The following SNX2 variants were observed in gnomAD, a reference collection of about 807,000 sequenced individuals.
SNX2 encodes sorting nexin-2.
In SNX2, 25 loss-of-function variants were observed where a neutral mutation model predicts 69.9. The observed-to-expected ratio is 0.36, with a 90% confidence interval of 0.26 to 0.50. SNX2 has a LOEUF of 0.50. Ranked by LOEUF, SNX2 falls within the 20% of genes least tolerant of loss-of-function variation. The pLI is 0.97. For synonymous variants in SNX2, 229 were observed against 200.4 expected (o/e 1.14, Z -1.20); for missense variants, 551 against 613.3 (o/e 0.90, Z 1.07).
In SNX2 at chr5:122,801,277, G is replaced by A. The variant is rs894518055; in HGVS notation, c.391-592G>A. 1.4e-4 allele frequency among the ~76,000 whole-genome samples: 22 copies of A among 152,224 alleles called. 1 individual carries two copies. Among genetic ancestry groups the A allele is most frequent in the African/African-American group, 5.1e-4 (21 of 41,542 alleles). On this transcript the variant is annotated intron_variant, in intron 3 of 14. Coordinates refer to ENST00000379516, the MANE Select transcript of SNX2 (RefSeq NM_003100.4). Reference sequence around the variant, plus strand: ...AAATTCCACAATATTTGTACAAAAAGACGAAAACATTTTTTCTACATCTGA... The same window carrying A: ...AAATTCCACAATATTTGTACAAAAAAACGAAAACATTTTTTCTACATCTGA...
intron 2 of SNX2, among the ~76,000 whole-genome samples, chr5:122,796,480 AT>A (rs1399940132): frequency 6.6e-6 from 1 of 152,224 alleles, no homozygotes; most frequent in Non-Finnish European, 1.5e-5. Context: ...TCTCTTTAAA[AT>A]TTTAAGCCAC....
chr5:122,833,891 T>G lies in SNX2; in HGVS notation c.*4243T>G, dbSNP rs539738056. The G allele has an allele frequency of 1.3e-5, 2 of 152,320 alleles. No individual in the cohort carries two copies. Among genetic ancestry groups the G allele is most frequent in the South Asian group, 4.1e-4 (2 of 4,832 alleles). The allele number at this position is 152,320 out of a possible 1,614,324, so 9.4% of individuals were successfully genotyped here. A position where few individuals can be genotyped will look rare whatever the true frequency, so the allele number is the denominator to read the frequency against. ...CTCTCAAGGGCAGGTATAATTTATGTGCAAGACTTTGTAGCATAATGTTTT... is the reference window on the plus strand; with the variant it reads ...CTCTCAAGGGCAGGTATAATTTATGGGCAAGACTTTGTAGCATAATGTTTT... On this transcript the variant is annotated 3_prime_UTR_variant, in exon 15 of 15. Transcript: ENST00000379516.
chr5:122,827,622 A>G lies in SNX2; in HGVS notation c.1485A>G (p.Glu495=), dbSNP rs753772753. 4 of 1,613,030 alleles carry G rather than the reference A, an allele frequency of 2.5e-6. No individual in the cohort carries two copies. The highest frequency in any genetic ancestry group is 3.4e-6 in the Non-Finnish European group (4 of 1,179,330). ...DFKTVIIKYL[E]SLVQTQQQLI... is the part of the protein sequence containing the mutation. Reference sequence around the variant, plus strand: ...AAACCGTTATCATCAAGTACTTAGAATCACTAGTTCAAACACAACAACAGG... The same window carrying G: ...AAACCGTTATCATCAAGTACTTAGAGTCACTAGTTCAAACACAACAACAGG... The change falls in exon 14 of 15, where the codon GAA becomes GAG. Residue 495 remains glutamate, a synonymous_variant. Transcript: ENST00000379516.
intron 1 of SNX2, among the ~76,000 whole-genome samples, chr5:122,778,539 C>G (rs562018152): frequency 2.0e-5 from 3 of 152,034 alleles, no homozygotes. Context: ...GACAGAGTCT[C>G]GCTCTGTCAC....
intron 2 of SNX2, among the ~76,000 whole-genome samples, chr5:122,798,681 T>C (rs1373643329): frequency 2.6e-5 from 4 of 152,298 alleles, no homozygotes; most frequent in South Asian, 2.1e-4. Flanking sequence ...GTTTACATTA[T>C]GGCCACCACT....
chr5:122,777,450 A>G (rs1296557825), intron 1 of SNX2, among the ~76,000 whole-genome samples: 1 of 152,238 alleles, frequency 6.6e-6, no homozygotes, highest in Admixed American at 6.5e-5. Flanking sequence ...TACCTAAGAA[A>G]ATATATACTA....
chr5:122,820,516 CAG>C (rs1753999332), intron 11 of SNX2, among the ~76,000 whole-genome samples: 3 of 151,540 alleles, frequency 2.0e-5, no homozygotes, highest in Admixed American at 2.0e-4. Flanking sequence ...AGCCTGGCGA[CAG>C]AGACTCCATC....
intron 1 of SNX2, among the ~76,000 whole-genome samples, chr5:122,793,339 A>C (rs1167856285): frequency 6.6e-6 from 1 of 152,238 alleles, no homozygotes; most frequent in Non-Finnish European, 1.5e-5. Context: ...TCTTACATAC[A>C]TAGTAACATT....
chr5:122,806,773 T>C (rs886732211), intron 6 of SNX2, among the ~76,000 whole-genome samples: 1 of 152,098 alleles, frequency 6.6e-6, no homozygotes, highest in African/African-American at 2.4e-5. Context: ...CCAATTCCGG[T>C]AGTTCAGTCA....
chr5:122,786,558 G>A (rs993544433), intron 1 of SNX2, among the ~76,000 whole-genome samples: 2 of 151,856 alleles, frequency 1.3e-5, no homozygotes, highest in Admixed American at 6.6e-5. Flanking sequence ...TATACTTCAC[G>A]TAAAATGCCA....
intron 11 of SNX2, among the ~76,000 whole-genome samples, chr5:122,819,700 A>G (rs1468420866): frequency 6.6e-6 from 1 of 152,146 alleles, no homozygotes; most frequent in Non-Finnish European, 1.5e-5. Flanking sequence ...AAGATCTTTG[A>G]ATTTTTGTTA....
rs757186561 is a variant in SNX2 at position 122,818,919 on chromosome 5, GT to G, written c.1110del (p.Glu371ArgfsTer4). 1 of 1,613,980 alleles carries G rather than the reference GT, an allele frequency of 6.2e-7. No homozygotes were observed. On this transcript the variant is annotated frameshift_variant, in exon 11 of 15. Coordinates refer to ENST00000379516, the MANE Select transcript of SNX2 (RefSeq NM_003100.4). LOFTEE classifies it high-confidence loss of function. ...LSRALSQLAE[V>X]EEKIDQLHQE... ...TAGAGCTTTGTCTCAGCTTGCAGAG[GT>G]TGAGGAGAAGATAGACCAGTTACAT...
Position 122,788,268 on chromosome 5 carries a change from T to C in SNX2, c.109-6998T>C, listed in dbSNP as rs562316555. ...ACAGTTGTTTGAATTGGTATTCCCC[T>C]GTAAAAATACGTTGTTTTTCTCTAG... On this transcript the variant is annotated intron_variant, in intron 1 of 14. Transcript: ENST00000379516. Among the ~76,000 whole-genome samples, 22 of 152,342 alleles carry C rather than the reference T, an allele frequency of 1.4e-4. No homozygotes were observed. In the East Asian group the frequency reaches 4.0e-3, roughly 28 times the overall value.
chr5:122,821,062 A>G (rs2150016037), intron 11 of SNX2, among the ~76,000 whole-genome samples: 1 of 152,318 alleles, frequency 6.6e-6, no homozygotes, highest in African/African-American at 2.4e-5. Flanking sequence ...TCAACTACAC[A>G]AAGGAATTAA....
intron 6 of SNX2, 41 bp from the exon 7 acceptor site, chr5:122,808,236 C>T: frequency 8.2e-7 from 1 of 1,221,128 alleles, no homozygotes; most frequent in Non-Finnish European, 1.2e-6. Flanking sequence ...ACTTTCACAG[C>T]AATATAAAGT....
At chr5:122,807,358 C>A (rs1341679492) in intron 6 of SNX2, among the ~76,000 whole-genome samples, 1 of 152,074 alleles carries the variant, frequency 6.6e-6, no homozygotes, top group Non-Finnish European at 1.5e-5. Flanking sequence ...ATTTTTATTA[C>A]CCCAAAATGG....
intron 10 of SNX2, 29 bp downstream of exon 10, chr5:122,817,402 A>AG: frequency 2.1e-6 from 3 of 1,401,146 alleles, no homozygotes; most frequent in Non-Finnish European, 3.0e-6. Flanking sequence ...TTACGTAGTT[A>AG]GCACCATAAA....
rs144234409 is a variant in SNX2 at position 122,803,244 on chromosome 5, A to G, written c.502-228A>G. On this transcript the variant is annotated intron_variant, in intron 5 of 14. Coordinates refer to ENST00000379516, the MANE Select transcript of SNX2 (RefSeq NM_003100.4). ...TAGCGTAAATAGAGTGAATAAGACC[A>G]GTTAAGATAGAATAATGCAAATACT... Among the ~76,000 whole-genome samples, 542 of 152,328 alleles carry G rather than the reference A, an allele frequency of 3.6e-3. 1 individual carries two copies. The highest frequency in any genetic ancestry group is 0.012 in the South Asian group (59 of 4,830).
rs1437201709 is a variant in SNX2, at chr5:122,830,139, C to T, written c.*491C>T. 1 of 153,718 alleles carries T rather than the reference C, an allele frequency of 6.5e-6. No individual in the cohort carries two copies. Among genetic ancestry groups the T allele is most frequent in the Non-Finnish European group, 1.5e-5 (1 of 68,860 alleles). 9.5% of individuals were successfully genotyped at this position (153,718 alleles called of 1,614,324 possible). On this transcript the variant is annotated 3_prime_UTR_variant, in exon 15 of 15. Coordinates refer to ENST00000379516, the MANE Select transcript of SNX2 (RefSeq NM_003100.4). Reference sequence around the variant, plus strand: ...GTAACAAATTATTTGGGTATTTAAACATTAGGAATCTTTTCAAAGCATTTT... The same window carrying T: ...GTAACAAATTATTTGGGTATTTAAATATTAGGAATCTTTTCAAAGCATTTT...
Sources: gnomAD v4.1 joint callset for allele counts (sites outside exome capture counted in the v4.1 genomes callset) on GRCh38, gnomAD v4.1.1 for gene constraint, MANE v1.5 for transcripts, NCBI Gene and HGNC (gene_info 2026-07-23, HGNC 2026-07-21) for gene names.